Variants in GRM5 observed in about 807,000 individuals in gnomAD.
GRM5 encodes the protein metabotropic glutamate receptor 5.
A neutral mutation model predicts 83.1 loss-of-function variants in GRM5; 19 were observed. The observed-to-expected ratio is 0.23, with a 90% confidence interval of 0.16 to 0.34. GRM5 has a LOEUF of 0.34. GRM5 is among the 10% of genes least tolerant of loss of function. The pLI, the probability that GRM5 is intolerant of heterozygous loss-of-function variation, is 1.00. For synonymous variants in GRM5, 675 were observed against 633.6 expected (o/e 1.07, Z -0.98); for missense variants, 1,160 against 1,588.3 (o/e 0.73, Z 4.58).
At chr11:88,544,619 G>A (rs1251428322) in intron 8 of GRM5, among the ~76,000 whole-genome samples, 1 of 152,188 alleles carries the variant, frequency 6.6e-6, no homozygotes, top group Non-Finnish European at 1.5e-5. Context: ...TCTGCACTTG[G>A]CAATACAGTC....
At chr11:88,684,175 A>G (rs1940563875) in intron 3 of GRM5, among the ~76,000 whole-genome samples, 1 of 152,356 alleles carries the variant, frequency 6.6e-6, no homozygotes, top group Middle Eastern at 3.4e-3. Context: ...AATGTGCCAA[A>G]GGGAGACTAG....
intron 2 of GRM5, among the ~76,000 whole-genome samples, chr11:88,906,863 G>T (rs538739336): frequency 6.6e-6 from 1 of 152,166 alleles, no homozygotes; most frequent in South Asian, 2.1e-4. Flanking sequence ...AGGAATCCAC[G>T]CCAGAAAAGG....
chr11:89,024,483 A>C (rs1941078978), intron 2 of GRM5, among the ~76,000 whole-genome samples: 1 of 152,212 alleles, frequency 6.6e-6, no homozygotes, highest in South Asian at 2.1e-4. Flanking sequence ...TTTGGCATTA[A>C]ATTCATTTTT....
chr11:88,996,496 T>C (rs142705570), intron 2 of GRM5, among the ~76,000 whole-genome samples: 4 of 152,202 alleles, frequency 2.6e-5, no homozygotes, highest in African/African-American at 9.7e-5. Flanking sequence ...TAAAGTTATA[T>C]GCAACCAACA....
At chr11:88,908,697 T>C (rs539136827) in intron 2 of GRM5, among the ~76,000 whole-genome samples, 2 of 152,234 alleles carry the variant, frequency 1.3e-5, no homozygotes, top group Admixed American at 6.5e-5. Flanking sequence ...AAGTTTGGGG[T>C]CATTTTCTCT....
intron 2 of GRM5, among the ~76,000 whole-genome samples, chr11:89,005,292 T>G (rs1377069054): frequency 6.6e-6 from 1 of 152,204 alleles, no homozygotes; most frequent in Non-Finnish European, 1.5e-5. Context: ...TATTACATTG[T>G]GTAATAAAAG....
rs141821488 is a variant in GRM5 at position 88,550,310 on chromosome 11, T to C, written c.2630+16743A>G. ...AGGTAGGTGCTTAAGAAATAGCTGA[T>C]GAAATTGAACTGTACCTGACCACTT... On this transcript the variant is annotated intron_variant, in intron 8 of 9. Coordinates refer to ENST00000305447, the MANE Select transcript of GRM5 (RefSeq NM_001143831.3). 2.7e-3 allele frequency among the ~76,000 whole-genome samples: 413 copies of C among 152,306 alleles called. 5 individuals carry two copies. Among genetic ancestry groups the C allele is most frequent in the East Asian group, 0.023 (118 of 5,176 alleles).
chr11:88,964,330 AT>A (rs941033921), intron 2 of GRM5, among the ~76,000 whole-genome samples: 6 of 151,494 alleles, frequency 4.0e-5, no homozygotes, highest in African/African-American at 1.5e-4. Flanking sequence ...CCTTCATTTT[AT>A]TTTTCTGAGA....
intron 2 of GRM5, among the ~76,000 whole-genome samples, chr11:88,975,527 T>C (rs1055019666): frequency 5.9e-5 from 9 of 152,176 alleles, no homozygotes; most frequent in Admixed American, 3.3e-4. Flanking sequence ...AGGACCACCC[T>C]TCATTATATC....
chr11:88,597,924 T>C (rs1035303088), intron 5 of GRM5, among the ~76,000 whole-genome samples: 20 of 152,136 alleles, frequency 1.3e-4, no homozygotes, highest in Non-Finnish European at 2.4e-4. Context: ...GTAAACATCC[T>C]GGAAGAGAGT....
In GRM5 at chr11:88,519,038, C is replaced by T. The variant is rs116877305; in HGVS notation, c.2726+6271G>A. Among the ~76,000 whole-genome samples, 917 of 147,454 alleles carry T rather than the reference C, an allele frequency of 6.2e-3. 6 individuals are homozygous for T. Among genetic ancestry groups the T allele is most frequent in the South Asian group, 9.3e-3 (42 of 4,510 alleles). On this transcript the variant is annotated intron_variant, in intron 9 of 9. Transcript: ENST00000305447. Reference sequence around the variant, plus strand: ...CAGGCAACTAGATAATATGCAATATCGGATGTAAAGGTAAAATACATTAGA... The same window carrying T: ...CAGGCAACTAGATAATATGCAATATTGGATGTAAAGGTAAAATACATTAGA...
intron 8 of GRM5, among the ~76,000 whole-genome samples, chr11:88,546,269 T>C (rs1261158825): frequency 1.3e-5 from 2 of 152,008 alleles, no homozygotes; most frequent in East Asian, 3.9e-4. Context: ...ATACTATGTA[T>C]TTGTTTATGT....
chr11:88,569,825 T>C (rs1942949205), intron 7 of GRM5, among the ~76,000 whole-genome samples: 1 of 152,216 alleles, frequency 6.6e-6, no homozygotes, highest in Non-Finnish European at 1.5e-5. Flanking sequence ...GGAAAACAAA[T>C]CCTCATTGAT....
At chr11:88,798,825 A>AAAAAAAAAAAAAAAAAAAAAAAAC (rs777932007) in intron 3 of GRM5, among the ~76,000 whole-genome samples, 1 of 145,236 alleles carries the variant, frequency 6.9e-6, no homozygotes, top group African/African-American at 2.5e-5. Flanking sequence ...AAAAAAAAAA[A>AAAAAAAAAAAAAAAAAAAAAAAAC]AACAACAACA....
chr11:88,727,964 G>T (rs1188453996), intron 3 of GRM5, among the ~76,000 whole-genome samples: 1 of 152,024 alleles, frequency 6.6e-6, no homozygotes, highest in African/African-American at 2.4e-5. Context: ...ACAATTAAAA[G>T]AACTAGAAAA....
intron 4 of GRM5, among the ~76,000 whole-genome samples, chr11:88,643,270 TGCTTTACAACTAGA>T (rs1393161361): frequency 1.3e-4 from 5 of 37,876 alleles, no homozygotes; most frequent in Non-Finnish European, 1.2e-3. Context: ...TATGGTGCCA[TGCTTTACAACTAGA>T]TCTGGTGAGA....
chr11:88,626,022 ATT>A (rs35586049), intron 4 of GRM5, among the ~76,000 whole-genome samples: 3 of 150,412 alleles, frequency 2.0e-5, no homozygotes, highest in Non-Finnish European at 3.0e-5. Context: ...TGACTAGCTT[ATT>A]TTTTTTTTAC....
intron 2 of GRM5, among the ~76,000 whole-genome samples, chr11:88,910,449 T>C (rs1179926707): frequency 6.6e-6 from 1 of 151,932 alleles, no homozygotes; most frequent in African/African-American, 2.4e-5. Flanking sequence ...TACCTAGGAG[T>C]GGAATTTTTG....
chr11:88,847,605 T>C (rs1472472126), intron 3 of GRM5, among the ~76,000 whole-genome samples: 2 of 151,934 alleles, frequency 1.3e-5, no homozygotes, highest in Non-Finnish European at 2.9e-5. Flanking sequence ...AAAAAAAACA[T>C]GGGCCAAGAG....
Sources: gnomAD v4.1 joint callset for allele counts (sites outside exome capture counted in the v4.1 genomes callset) on GRCh38, gnomAD v4.1.1 for gene constraint, MANE v1.5 for transcripts, NCBI Gene and HGNC (gene_info 2026-07-23, HGNC 2026-07-21) for gene names.